BPIFA2: variants seen among roughly 807,000 people sequenced by gnomAD.
The protein encoded by BPIFA2 is BPI fold-containing family A member 2.
In BPIFA2, 20 loss-of-function variants were observed where a neutral mutation model predicts 25.7. The ratio of observed to expected loss-of-function variants is 0.78; its 90% CI spans 0.55 to 1.13. The LOEUF (loss-of-function observed/expected upper bound fraction) is 1.13, where lower values mean the gene tolerates loss of function less well. BPIFA2 is among the 50% of genes most tolerant of loss of function. The probability of loss-of-function intolerance (pLI) is 0.00; values close to 1 mark genes in which losing one functional copy is unlikely to be tolerated. For synonymous variants in BPIFA2, 126 were observed against 124.3 expected (o/e 1.01, Z -0.09); for missense variants, 300 against 298.1 (o/e 1.01, Z -0.05).
intron 5 of BPIFA2, among the ~76,000 whole-genome samples, chr20:33,176,547 G>C (rs925071365): frequency 6.6e-6 from 1 of 152,242 alleles, no homozygotes; most frequent in African/African-American, 2.4e-5. Flanking sequence ...GAGTTGCGAA[G>C]GCCGGGGTGT....
chr20:33,171,946 T>C (rs1983910633), intron 2 of BPIFA2, among the ~76,000 whole-genome samples: 1 of 152,190 alleles, frequency 6.6e-6, no homozygotes, highest in African/African-American at 2.4e-5. Flanking sequence ...CACATATGTT[T>C]ATTGCAGCAC....
chr20:33,166,923 G>A (rs945183899), upstream of BPIFA2, among the ~76,000 whole-genome samples: 1 of 152,256 alleles, frequency 6.6e-6, no homozygotes, highest in African/African-American at 2.4e-5. Context: ...TGGGGGAAGA[G>A]CGGGGCTCAG....
rs1489155676 is a variant in BPIFA2, at chr20:33,181,308, G to C, written c.*122G>C. 6.6e-6 allele frequency: 1 copy of C among 152,472 alleles called. No individual in the cohort carries two copies. The highest frequency in any genetic ancestry group is 1.5e-5 in the Non-Finnish European group (1 of 68,268). 9.4% of individuals were successfully genotyped at this position (152,472 alleles called of 1,614,324 possible). Reference sequence around the variant, plus strand: ...CACCACCTAACCAGCGTGAAAGCCTGAGTCCCACCAGAAGGACCTTCCCAG... The same window carrying C: ...CACCACCTAACCAGCGTGAAAGCCTCAGTCCCACCAGAAGGACCTTCCCAG... On this transcript the variant is annotated 3_prime_UTR_variant, in exon 9 of 9. Transcript: ENST00000354932.
chr20:33,177,929 C>T (rs977952382), intron 5 of BPIFA2, among the ~76,000 whole-genome samples: 6 of 152,148 alleles, frequency 3.9e-5, no homozygotes, highest in Admixed American at 2.0e-4. Flanking sequence ...AAGGTCTCTG[C>T]GCTGAGAATC....
chr20:33,163,432 T>TTTCTC (rs1983634315), upstream of BPIFA2, among the ~76,000 whole-genome samples: 1 of 152,074 alleles, frequency 6.6e-6, no homozygotes, highest in Non-Finnish European at 1.5e-5. Flanking sequence ...TATGAAGGGA[T>TTTCTC]TTCTCTGACA....
At chr20:33,170,738 A>G (rs1390204469) in intron 2 of BPIFA2, among the ~76,000 whole-genome samples, 1 of 152,218 alleles carries the variant, frequency 6.6e-6, no homozygotes, top group Non-Finnish European at 1.5e-5. Context: ...ACCTATCATA[A>G]AGACACTTTG....
intron 1 of BPIFA2, among the ~76,000 whole-genome samples, chr20:33,162,065 C>T (rs1401628110): frequency 6.6e-6 from 1 of 152,176 alleles, no homozygotes; most frequent in Non-Finnish European, 1.5e-5. Flanking sequence ...ACTTCAACCT[C>T]TGCTTCCCGG....
intron 4 of BPIFA2, 87 bp downstream of exon 4, chr20:33,174,273 C>T (rs545102118): frequency 3.7e-5 from 44 of 1,185,588 alleles, no homozygotes; most frequent in African/African-American, 2.7e-4. Context: ...CACCTCCTCC[C>T]GCTGCTGGGT....
rs1415073753 is a variant in BPIFA2 at position 33,179,682 on chromosome 20, A to C, written c.709+15A>C. The C allele has an allele frequency of 6.3e-7, 1 of 1,598,816 alleles. No individual in the cohort carries two copies. Among genetic ancestry groups the C allele is most frequent in the African/African-American group, 1.3e-5 (1 of 74,248 alleles). On this transcript the variant is annotated intron_variant, in intron 7 of 8. Transcript: ENST00000354932. ...GCAGGTCGTCGGTAAGTCAATGGGGAAGTGGGGACCTTCTGAGGCAGGCAT... is the reference window on the plus strand; with the variant it reads ...GCAGGTCGTCGGTAAGTCAATGGGGCAGTGGGGACCTTCTGAGGCAGGCAT...
chr20:33,163,461 T>C (rs940368692), upstream of BPIFA2, among the ~76,000 whole-genome samples: 1 of 151,660 alleles, frequency 6.6e-6, no homozygotes, highest in South Asian at 2.1e-4. Context: ...GGGCTGGGGG[T>C]GCTAGCGCAA....
intron 2 of BPIFA2, among the ~76,000 whole-genome samples, chr20:33,170,067 G>C (rs1983850065): frequency 6.6e-6 from 1 of 152,170 alleles, no homozygotes; most frequent in Non-Finnish European, 1.5e-5. Context: ...CAAGGGCTTA[G>C]GTAACTTTCA....
At chr20:33,169,791 T>C (rs1359040029) in intron 2 of BPIFA2, among the ~76,000 whole-genome samples, 1 of 152,236 alleles carries the variant, frequency 6.6e-6, no homozygotes, top group African/African-American at 2.4e-5. Flanking sequence ...GGATTTTGTC[T>C]ATATTCTTAG....
intron 4 of BPIFA2, among the ~76,000 whole-genome samples, chr20:33,174,878 T>A (rs1284584219): frequency 2.0e-5 from 3 of 152,192 alleles, no homozygotes; most frequent in African/African-American, 7.2e-5. Flanking sequence ...ACCACTGCAT[T>A]CCAGCCTGGG....
chr20:33,167,061 C>T (rs1983747603), upstream of BPIFA2, among the ~76,000 whole-genome samples: 1 of 152,234 alleles, frequency 6.6e-6, no homozygotes, highest in South Asian at 2.1e-4. Flanking sequence ...CTTCCTGCAG[C>T]CGCCCAGCTC....
At chr20:33,172,109 G>C (rs973417745) in intron 2 of BPIFA2, among the ~76,000 whole-genome samples, 1 of 152,100 alleles carries the variant, frequency 6.6e-6, no homozygotes, top group African/African-American at 2.4e-5. Context: ...GAAGCCAGAA[G>C]CCATCATCCT....
At chr20:33,172,811 T>A in intron 2 of BPIFA2, 121 bp from the exon 3 acceptor site, 1 of 1,120,942 alleles carries the variant, frequency 8.9e-7, no homozygotes, top group Non-Finnish European at 1.2e-6. Flanking sequence ...AATATCTACT[T>A]CACTGAGTTG....
At chr20:33,172,117 C>T (rs149722957) in intron 2 of BPIFA2, among the ~76,000 whole-genome samples, 9,529 of 152,146 alleles carry the variant, frequency 0.063, 492 homozygotes, top group African/African-American at 0.14. Flanking sequence ...AAGCCATCAT[C>T]CTCAGCAAAC....
intron 7 of BPIFA2, 52 bp downstream of exon 7, chr20:33,179,719 C>A (rs1984209229): frequency 1.3e-6 from 2 of 1,509,228 alleles, no homozygotes; most frequent in African/African-American, 2.8e-5. Flanking sequence ...GAGCTCTGTG[C>A]CCACCCCATA....
chr20:33,165,744 A>T (rs921107736), upstream of BPIFA2, among the ~76,000 whole-genome samples: 18 of 152,180 alleles, frequency 1.2e-4, no homozygotes, highest in African/African-American at 4.3e-4. Flanking sequence ...TTCAATAAGA[A>T]ATTCATCTCG....
Sources: allele counts gnomAD v4.1 joint callset (sites outside exome capture counted in the v4.1 genomes callset), GRCh38; gene constraint gnomAD v4.1.1; transcripts MANE v1.5; gene names NCBI Gene and HGNC (gene_info 2026-07-23, HGNC 2026-07-21).